The following LOC101059915 variants were observed in gnomAD, a reference collection of about 807,000 sequenced individuals.
At chrX:71,669,856 G>C in the LOC101059915 span, 1 of 613,669 alleles carries the variant, frequency 1.6e-6, no homozygotes, top group East Asian at 4.3e-5. Context: ...ATGGGGTGTC[G>C]ACAGGGCTGG....
chrX:71,670,500 A>T, the LOC101059915 span: 1 of 1,075,856 alleles, frequency 9.3e-7, no homozygotes, highest in South Asian at 2.3e-5. Flanking sequence ...CCACCTCACC[A>T]CTGGGCTGCA....
the LOC101059915 span, chrX:71,671,231 A>G: frequency 8.6e-6 from 10 of 1,163,534 alleles, no homozygotes; most frequent in Non-Finnish European, 1.1e-5. Flanking sequence ...CTCACTGACA[A>G]GTTCCAGGAC....
chrX:71,668,126 A>T, the LOC101059915 span: 1 of 1,137,701 alleles, frequency 8.8e-7, no homozygotes, highest in Middle Eastern at 3.3e-4. Flanking sequence ...CTGGCTGATG[A>T]GCCAGCCACC....
the LOC101059915 span, chrX:71,669,856 G>T: frequency 4.9e-6 from 3 of 612,449 alleles, no homozygotes; most frequent in East Asian, 4.3e-5. Context: ...ATGGGGTGTC[G>T]ACAGGGCTGG....
At chrX:71,667,849 C>A in the LOC101059915 span, 3 of 1,093,371 alleles carry the variant, frequency 2.7e-6, no homozygotes, top group Non-Finnish European at 3.6e-6. Context: ...TGGTTTAGGC[C>A]CAGAGGGTGG....
chrX:71,671,079 G>A, the LOC101059915 span: 12 of 1,132,300 alleles, frequency 1.1e-5, no homozygotes, highest in South Asian at 4.3e-5. Flanking sequence ...TTCAGGTGAC[G>A]GGTGGATGAG....
At chrX:71,670,083 G>A in the LOC101059915 span, among the ~76,000 whole-genome samples, 5 of 112,648 alleles carry the variant, frequency 4.4e-5, no homozygotes, top group South Asian at 1.5e-3. Context: ...CACAGGTGCA[G>A]ATGGGCTCAC....
chrX:71,667,973 G>A, the LOC101059915 span: 13 of 1,163,912 alleles, frequency 1.1e-5, no homozygotes, highest in Non-Finnish European at 1.5e-5. Flanking sequence ...AAGGGCGAGA[G>A]CGGGTTCACA....
At chrX:71,668,287 G>A in the LOC101059915 span, 45 of 1,131,749 alleles carry the variant, frequency 4.0e-5, no homozygotes, top group African/African-American at 5.4e-5. Context: ...GGCCTCTGCC[G>A]GCCCTCTCCA....
the LOC101059915 span, chrX:71,668,517 G>T: frequency 1.7e-6 from 2 of 1,145,708 alleles, no homozygotes; most frequent in Non-Finnish European, 2.3e-6. Flanking sequence ...GAAGCCCCAA[G>T]AAGCCAGGAG....
At chrX:71,668,432 C>T in the LOC101059915 span, 1 of 1,162,606 alleles carries the variant, frequency 8.6e-7, no homozygotes, top group Non-Finnish European at 1.1e-6. Flanking sequence ...GACTCTGATT[C>T]CGCAGATGAG....
At chrX:71,670,177 A>T in the LOC101059915 span, 1 of 1,111,236 alleles carries the variant, frequency 9.0e-7, no homozygotes, top group Non-Finnish European at 1.2e-6. Flanking sequence ...GCAGAGGGTG[A>T]TGGTGCCTCA....
At chrX:71,670,577 A>C in the LOC101059915 span, 1 of 1,098,725 alleles carries the variant, frequency 9.1e-7, no homozygotes, top group Non-Finnish European at 1.2e-6. Flanking sequence ...AGAATTGACT[A>C]ACCATTTCTT....
the LOC101059915 span, chrX:71,670,428 C>T: frequency 6.2e-6 from 7 of 1,137,976 alleles, no homozygotes; most frequent in African/African-American, 9.1e-5. Context: ...CCCCAATCCC[C>T]TCTGCCTACC....
At chrX:71,669,601 C>T in the LOC101059915 span, 4,413 of 963,939 alleles carry the variant, frequency 4.6e-3, 8 homozygotes, top group Non-Finnish European at 5.4e-3. Flanking sequence ...GTCCGTGCGT[C>T]GTGGAGAATA....
the LOC101059915 span, chrX:71,667,714 G>C: frequency 1.1e-6 from 1 of 908,387 alleles, no homozygotes; most frequent in Non-Finnish European, 1.4e-6. Flanking sequence ...TGGCCCCCTC[G>C]GCTGGGCTTG....
At chrX:71,669,462 A>C in the LOC101059915 span, 1 of 731,422 alleles carries the variant, frequency 1.4e-6, no homozygotes, top group Admixed American at 5.6e-5. Flanking sequence ...AAGTGTTAAT[A>C]AGATTAGTCT....
the LOC101059915 span, chrX:71,668,815 C>T: frequency 9.2e-6 from 10 of 1,083,228 alleles, no homozygotes; most frequent in South Asian, 2.4e-5. Flanking sequence ...ACTGGCCCTG[C>T]GGGGAGCCTT....
At chrX:71,669,880 C>T in the LOC101059915 span, among the ~76,000 whole-genome samples, 3 of 89,982 alleles carry the variant, frequency 3.3e-5, no homozygotes, top group Non-Finnish European at 6.5e-5. Flanking sequence ...TAAGCCACAT[C>T]GTCCTCTCTG....
Sources: allele counts gnomAD v4.1 joint callset (sites outside exome capture counted in the v4.1 genomes callset), GRCh38; gene constraint gnomAD v4.1.1; transcripts MANE v1.5.